Variants in WARS1 observed in about 807,000 individuals in gnomAD.
The protein encoded by WARS1 is tryptophan--tRNA ligase, cytoplasmic.
Under a neutral mutation model 47.8 loss-of-function variants are expected in WARS1, and 17 were observed. That is an observed-to-expected ratio of 0.36 (90% CI 0.24 to 0.53). The LOEUF (loss-of-function observed/expected upper bound fraction) is 0.53. WARS1 is among the 20% of genes least tolerant of loss of function. The pLI is 0.91. For missense variants in WARS1, 434 were observed against 608.0 expected, an observed-to-expected ratio of 0.71 and a Z score of 3.01; for synonymous variants, 208 against 228.1, an observed-to-expected ratio of 0.91 and a Z score of 0.79.
chr14:100,343,908 C>T lies in WARS1; in HGVS notation c.827-521G>A, dbSNP rs547048168. ...TCGGCCTCCCAAAGTGCTGGGATTA[C>T]AGGCGTGAGCCACGGCGCCCGGCCT... is the stretch of plus-strand genomic sequence containing the variant. On this transcript the variant is annotated intron_variant, in intron 7 of 10. Transcript: ENST00000392882. Among the ~76,000 whole-genome samples the T allele has an allele frequency of 5.3e-5, 8 of 152,354 alleles. No individual in the cohort carries two copies. In the South Asian group the frequency reaches 1.7e-3, roughly 32 times the overall value.
chr14:100,339,722 T>C (rs1894033450), intron 9 of WARS1: 2 of 152,122 alleles, frequency 1.3e-5, no homozygotes, highest in Non-Finnish European at 1.5e-5. Context: ...ATAGAGTCAC[T>C]GCTATGTGGT....
chr14:100,335,502 T>A (rs1427160942), intron 10 of WARS1, among the ~76,000 whole-genome samples: 1 of 151,972 alleles, frequency 6.6e-6, no homozygotes, highest in African/African-American at 2.4e-5. Flanking sequence ...CTCAGCCTCC[T>A]GAGTAGCTGG....
intron 7 of WARS1, 151 bp downstream of exon 7, chr14:100,346,595 T>A (rs1416397130): frequency 1.6e-6 from 1 of 616,644 alleles, no homozygotes; most frequent in East Asian, 2.9e-5. Flanking sequence ...AGGACAACGA[T>A]GACCCACCCA....
At chr14:100,342,345 C>G in intron 9 of WARS1, 53 bp downstream of exon 9, 1 of 1,607,106 alleles carries the variant, frequency 6.2e-7, no homozygotes, top group Middle Eastern at 1.7e-4. Flanking sequence ...CGTGTGCCCC[C>G]CAGGGCATGT....
intron 2 of WARS1, chr14:100,366,945 A>C: frequency 6.3e-7 from 1 of 1,581,538 alleles, no homozygotes; most frequent in Non-Finnish European, 8.7e-7. Flanking sequence ...GAAGTATCAT[A>C]GTGGTTTCTT....
chr14:100,343,396 G>A lies in WARS1; in HGVS notation c.827-9C>T, dbSNP rs919044147. On this transcript the variant is annotated splice_polypyrimidine_tract_variant and intron_variant, in intron 7 of 10. Transcript: ENST00000392882. ...AGGAAAACTGATCTTCCCTGAAAAT[G>A]AGAAAAAGTATTTTTACACGTGAGA... 3 of 1,604,764 alleles carry A rather than the reference G, an allele frequency of 1.9e-6. No individual in the cohort carries two copies. The highest frequency in any genetic ancestry group is 2.6e-6 in the Non-Finnish European group (3 of 1,174,140).
chr14:100,342,013 C>T (rs993231148), intron 9 of WARS1: 16 of 281,616 alleles, frequency 5.7e-5, no homozygotes, highest in Admixed American at 1.8e-4. Flanking sequence ...CGGGTCCAGC[C>T]GCTGGAACAC....
At chr14:100,342,634 G>A (rs1419316970) in intron 8 of WARS1, 63 bp from the exon 9 acceptor site, 38 of 1,496,112 alleles carry the variant, frequency 2.5e-5, no homozygotes, top group Non-Finnish European at 3.2e-5. Flanking sequence ...TCAGCCATGA[G>A]CAGTCCCTGT....
rs74692769 is a variant in WARS1 at position 100,348,458 on chromosome 14, C to T, written c.726-1612G>A. 2.0e-4 allele frequency among the ~76,000 whole-genome samples: 31 copies of T among 152,210 alleles called. No homozygotes were observed. In the East Asian group the frequency reaches 4.8e-3, roughly 24 times the overall value. On this transcript the variant is annotated intron_variant, in intron 6 of 10. Transcript: ENST00000392882. ...AGGCCCTGGGGGGCACTGGAGAGGGCGGGCGCAGTACTGTGAAGGGGCATG... is the reference window on the plus strand; with the variant it reads ...AGGCCCTGGGGGGCACTGGAGAGGGTGGGCGCAGTACTGTGAAGGGGCATG...
At chr14:100,338,573 C>CT (rs899131117) in intron 9 of WARS1, among the ~76,000 whole-genome samples, 18 of 142,936 alleles carry the variant, frequency 1.3e-4, no homozygotes, top group South Asian at 4.6e-4. Flanking sequence ...AGCCCCTTAA[C>CT]TTTTTTTTTT....
intron 2 of WARS1, 134 bp from the exon 3 acceptor site, chr14:100,362,055 G>A: frequency 1.1e-6 from 1 of 921,348 alleles, no homozygotes; most frequent in Non-Finnish European, 1.7e-6. Context: ...ACCCTACAAG[G>A]CAGGTATTGT....
chr14:100,351,532 T>C (rs1399665370), intron 6 of WARS1, among the ~76,000 whole-genome samples: 3 of 149,586 alleles, frequency 2.0e-5, no homozygotes, highest in Non-Finnish European at 3.0e-5. Flanking sequence ...ATTATGCTAA[T>C]GATGACATCT....
At chr14:100,376,284 C>G (rs1033616618), upstream of WARS1, 1 of 896,722 alleles carries the variant, frequency 1.1e-6, no homozygotes. Flanking sequence ...CCAGTCAGCG[C>G]TCCCGGCTCA....
intron 2 of WARS1, among the ~76,000 whole-genome samples, chr14:100,365,093 C>T (rs770052575): frequency 2.7e-5 from 4 of 147,104 alleles, no homozygotes; most frequent in Admixed American, 6.8e-5. Context: ...TGCACTCCAA[C>T]GTGGAAAGAG....
At chr14:100,366,893 T>C in intron 2 of WARS1, 1 of 1,609,442 alleles carries the variant, frequency 6.2e-7, no homozygotes, top group Non-Finnish European at 8.5e-7. Flanking sequence ...TTACCTGGAG[T>C]CCCTGAATAA....
chr14:100,364,874 A>T (rs1895861471), intron 2 of WARS1, among the ~76,000 whole-genome samples: 1 of 152,212 alleles, frequency 6.6e-6, no homozygotes, highest in African/African-American at 2.4e-5. Flanking sequence ...TTTTAAAACA[A>T]CTTGGTTTAA....
At chr14:100,357,219 A>T (rs1390433920) in intron 4 of WARS1, among the ~76,000 whole-genome samples, 1 of 152,234 alleles carries the variant, frequency 6.6e-6, no homozygotes, top group Non-Finnish European at 1.5e-5. Context: ...TAAGATCAGG[A>T]ATAAGACAAG....
intron 2 of WARS1, among the ~76,000 whole-genome samples, chr14:100,368,015 A>G (rs1896112933): frequency 1.3e-5 from 2 of 152,208 alleles, no homozygotes; most frequent in South Asian, 4.1e-4. Context: ...GGGGTGAAAG[A>G]ACCCCTTGGG....
chr14:100,352,764 C>T (rs1018981212), intron 6 of WARS1: 2 of 152,238 alleles, frequency 1.3e-5, no homozygotes, highest in Non-Finnish European at 2.9e-5. Context: ...GGGAGTACCA[C>T]AACTCAGGTG....
Sources: allele counts gnomAD v4.1 joint callset (sites outside exome capture counted in the v4.1 genomes callset), GRCh38; gene constraint gnomAD v4.1.1; transcripts MANE v1.5; gene names NCBI Gene and HGNC (gene_info 2026-07-23, HGNC 2026-07-21).